The following DTNA variants were observed in gnomAD, a reference collection of about 807,000 sequenced individuals.
DTNA encodes the protein dystrophin-related protein 3.
A neutral mutation model predicts 100.7 loss-of-function variants in DTNA; 43 were observed. The observed-to-expected ratio is 0.43, with a 90% CI of 0.33 to 0.55. The LOEUF (loss-of-function observed/expected upper bound fraction) is 0.55. DTNA is among the 20% of genes least tolerant of loss of function. The probability of loss-of-function intolerance (pLI) is 0.04; values close to 1 mark genes in which losing one functional copy is unlikely to be tolerated. For synonymous variants in DTNA, 349 were observed against 347.9 expected, an observed-to-expected ratio of 1.00 and a Z score of -0.04; for missense variants, 798 against 953.9, an observed-to-expected ratio of 0.84 and a Z score of 2.15.
intron 4 of DTNA, among the ~76,000 whole-genome samples, chr18:34,801,200 G>A (rs1477877003): frequency 6.6e-6 from 1 of 152,146 alleles, no homozygotes; most frequent in Non-Finnish European, 1.5e-5. Context: ...GATTTATGAA[G>A]CCATTTCAGT....
intron 1 of DTNA, among the ~76,000 whole-genome samples, chr18:34,610,679 G>A (rs1250037876): frequency 6.6e-6 from 1 of 152,144 alleles, no homozygotes; most frequent in Non-Finnish European, 1.5e-5. Context: ...ATAATATGTG[G>A]CCTTTTATGC....
intron 1 of DTNA, among the ~76,000 whole-genome samples, chr18:34,515,320 T>C (rs982255358): frequency 6.6e-6 from 1 of 152,126 alleles, no homozygotes; most frequent in Admixed American, 6.6e-5. Flanking sequence ...GTTTTAATTG[T>C]TGCTCAGGAA....
At chr18:34,704,346 G>A (rs989930418) in intron 1 of DTNA, among the ~76,000 whole-genome samples, 1 of 152,170 alleles carries the variant, frequency 6.6e-6, no homozygotes, top group African/African-American at 2.4e-5. Context: ...TGCTTTTAGA[G>A]TACATCAGGC....
At chr18:34,727,289 G>A (rs2086937871) in intron 1 of DTNA, among the ~76,000 whole-genome samples, 1 of 152,162 alleles carries the variant, frequency 6.6e-6, no homozygotes. Flanking sequence ...TTTTCCCATT[G>A]TCTTGGCTTG....
chr18:34,680,572 T>G (rs572939178), intron 1 of DTNA, among the ~76,000 whole-genome samples: 2 of 152,302 alleles, frequency 1.3e-5, no homozygotes, highest in Admixed American at 6.5e-5. Context: ...GCAGAGATGC[T>G]TCCTTAATAC....
chr18:34,866,743 A>G, intron 17 of DTNA: 1 of 989,742 alleles, frequency 1.0e-6, no homozygotes, highest in Non-Finnish European at 1.2e-6. Context: ...TTCACGTCCC[A>G]TCTTTTTGGC....
At chr18:34,688,756 C>G (rs1466279937) in intron 1 of DTNA, among the ~76,000 whole-genome samples, 1 of 152,140 alleles carries the variant, frequency 6.6e-6, no homozygotes, top group East Asian at 1.9e-4. Flanking sequence ...TAGTTCCATT[C>G]TCCCCATCAC....
At chr18:34,673,294 A>C (rs1290971285) in intron 1 of DTNA, among the ~76,000 whole-genome samples, 1 of 151,826 alleles carries the variant, frequency 6.6e-6, no homozygotes, top group Non-Finnish European at 1.5e-5. Flanking sequence ...TTTTCTCTAT[A>C]CAATTTCTGA....
chr18:34,696,311 G>A lies in DTNA; in HGVS notation c.-1-59665G>A, dbSNP rs940179584. 7.9e-5 allele frequency among the ~76,000 whole-genome samples: 12 copies of A among 152,282 alleles called. No individual in the cohort carries two copies. In the East Asian group the frequency reaches 1.2e-3, roughly 15 times the overall value. ...AAAAAAAGATAGGCCGGGCATGGTG[G>A]CTCATGCCTGTAATCCCAGCACTTT... On this transcript the variant is annotated intron_variant, in intron 1 of 19. Coordinates refer to the DTNA transcript ENST00000283365.
At chr18:34,867,077 C>T (rs2096713714) in intron 17 of DTNA, 6 of 1,230,270 alleles carry the variant, frequency 4.9e-6, no homozygotes, top group Non-Finnish European at 6.1e-6. Flanking sequence ...CTATGTATGA[C>T]AATATATCCC....
intron 1 of DTNA, among the ~76,000 whole-genome samples, chr18:34,600,197 T>G (rs1025004106): frequency 2.0e-5 from 3 of 152,116 alleles, no homozygotes; most frequent in African/African-American, 7.2e-5. Flanking sequence ...TGAAAAAAAG[T>G]TAAGTCAAAT....
intron 1 of DTNA, among the ~76,000 whole-genome samples, chr18:34,564,253 C>T (rs946225301): frequency 2.6e-5 from 4 of 152,130 alleles, no homozygotes; most frequent in African/African-American, 7.2e-5. Context: ...AGTGATTCTC[C>T]TGCCTCAGCC....
intron 1 of DTNA, among the ~76,000 whole-genome samples, chr18:34,618,813 C>T (rs1376227212): frequency 1.3e-5 from 2 of 152,128 alleles, no homozygotes; most frequent in African/African-American, 2.4e-5. Flanking sequence ...ATTCATTTAT[C>T]ATCTACTTTG....
At chr18:34,545,306 G>A (rs1178755444) in intron 1 of DTNA, among the ~76,000 whole-genome samples, 1 of 152,030 alleles carries the variant, frequency 6.6e-6, no homozygotes, top group Non-Finnish European at 1.5e-5. Flanking sequence ...GCAGTAAAAG[G>A]GAGGAACCTC....
intron 3 of DTNA, among the ~76,000 whole-genome samples, chr18:34,784,312 G>T (rs1002641350): frequency 1.3e-5 from 2 of 152,108 alleles, no homozygotes; most frequent in African/African-American, 4.8e-5. Flanking sequence ...GTTATATACT[G>T]GGCAGTATAA....
chr18:34,779,685 A>G (rs1394755940), intron 3 of DTNA, among the ~76,000 whole-genome samples: 1 of 152,136 alleles, frequency 6.6e-6, no homozygotes, highest in Non-Finnish European at 1.5e-5. Context: ...CAATAATAAC[A>G]ACAACAATCC....
chr18:34,624,731 G>A (rs373307291), intron 1 of DTNA, among the ~76,000 whole-genome samples: 8 of 152,192 alleles, frequency 5.3e-5, no homozygotes, highest in African/African-American at 1.7e-4. Flanking sequence ...AGACGGGACC[G>A]TGACTCATCC....
intron 16 of DTNA, among the ~76,000 whole-genome samples, chr18:34,859,983 A>G (rs79499949): frequency 0.013 from 2,037 of 152,278 alleles, 28 homozygotes; most frequent in African/African-American, 0.047. Flanking sequence ...TATAAATATC[A>G]TACTGTTCTT....
chr18:34,887,601 T>C (rs2096933777), intron 22 of DTNA, among the ~76,000 whole-genome samples, 165 bp from the exon 23 acceptor site: 1 of 152,154 alleles, frequency 6.6e-6, no homozygotes, highest in South Asian at 2.1e-4. Context: ...GTCCTAGGAC[T>C]TTCATTCCTG....
Sources: gnomAD v4.1 joint callset for allele counts (sites outside exome capture counted in the v4.1 genomes callset) on GRCh38, gnomAD v4.1.1 for gene constraint, MANE v1.5 for transcripts, NCBI Gene and HGNC (gene_info 2026-07-23, HGNC 2026-07-21) for gene names.